KCNJ6: variants seen among roughly 807,000 people sequenced by gnomAD.
KCNJ6 encodes potassium inwardly rectifying channel subfamily J member 6.
A neutral mutation model predicts 34.2 loss-of-function variants in KCNJ6; 9 were observed. The observed-to-expected ratio is 0.26, with a 90% CI of 0.16 to 0.46. KCNJ6 has a LOEUF of 0.46. Among genes scored for constraint, KCNJ6 ranks in the 20% least tolerant of loss-of-function variants. KCNJ6 has a pLI of 1.00. For missense variants in KCNJ6, 236 were observed against 531.3 expected (o/e 0.44, Z 5.46); for synonymous variants, 196 against 207.1 (o/e 0.95, Z 0.46).
At chr21:37,778,717 G>A (rs1446658873) in intron 2 of KCNJ6, among the ~76,000 whole-genome samples, 1 of 151,550 alleles carries the variant, frequency 6.6e-6, no homozygotes, top group Non-Finnish European at 1.5e-5. Flanking sequence ...GTGTGTGTGT[G>A]TGTGTTTTAA....
At chr21:37,766,282 C>T (rs886585023) in intron 2 of KCNJ6, among the ~76,000 whole-genome samples, 2 of 152,196 alleles carry the variant, frequency 1.3e-5, no homozygotes, top group Admixed American at 6.5e-5. Context: ...CGAAAGGCTG[C>T]CACTCCCTAA....
chr21:37,793,006 CG>C (rs796977827), intron 2 of KCNJ6, among the ~76,000 whole-genome samples: 14 of 152,158 alleles, frequency 9.2e-5, no homozygotes, highest in African/African-American at 3.4e-4. Flanking sequence ...AAGGGTGCTC[CG>C]GGGGGACTCT....
At chr21:37,708,057 T>C (rs995537249) in intron 3 of KCNJ6, among the ~76,000 whole-genome samples, 1 of 152,192 alleles carries the variant, frequency 6.6e-6, no homozygotes, top group South Asian at 2.1e-4. Context: ...CACTCACTTC[T>C]ATTGAGCATC....
intron 3 of KCNJ6, among the ~76,000 whole-genome samples, chr21:37,627,867 C>T (rs926523742): frequency 1.4e-4 from 22 of 152,130 alleles, no homozygotes; most frequent in African/African-American, 5.3e-4. Context: ...TGCATAGAGA[C>T]CCTTGACAAA....
At chr21:37,914,407 T>G (rs2055883255) in intron 1 of KCNJ6, among the ~76,000 whole-genome samples, 1 of 152,016 alleles carries the variant, frequency 6.6e-6, no homozygotes, top group African/African-American at 2.4e-5. Context: ...AACCACCACC[T>G]CGGCGGCCCC....
intron 1 of KCNJ6, among the ~76,000 whole-genome samples, chr21:37,892,527 G>C (rs2055767117): frequency 6.6e-6 from 1 of 152,150 alleles, no homozygotes; most frequent in Admixed American, 6.5e-5. Flanking sequence ...GGGAAATTTG[G>C]GATACCTTTG....
chr21:37,809,377 G>A (rs1357862740), intron 2 of KCNJ6, among the ~76,000 whole-genome samples: 12 of 152,116 alleles, frequency 7.9e-5, no homozygotes, highest in African/African-American at 2.9e-4. Context: ...GCCTGTTGTG[G>A]GGTGGGGAGA....
chr21:37,779,673 C>T (rs545532821), intron 2 of KCNJ6, among the ~76,000 whole-genome samples: 7 of 152,280 alleles, frequency 4.6e-5, no homozygotes, highest in Non-Finnish European at 1.0e-4. Context: ...CTGTTTGAAG[C>T]AGGAATGAGT....
intron 3 of KCNJ6, among the ~76,000 whole-genome samples, chr21:37,639,154 C>T (rs2054370481): frequency 6.6e-6 from 1 of 152,222 alleles, no homozygotes; most frequent in African/African-American, 2.4e-5. Flanking sequence ...TAATAGAACA[C>T]TCACCAAGCA....
intron 2 of KCNJ6, among the ~76,000 whole-genome samples, chr21:37,718,945 C>T (rs533494657): frequency 1.1e-4 from 17 of 152,172 alleles, no homozygotes; most frequent in Middle Eastern, 3.4e-3. Context: ...CAGGTGAGGC[C>T]GTGGGTGCAG....
At chr21:37,726,041 G>A (rs888291491) in intron 2 of KCNJ6, among the ~76,000 whole-genome samples, 3 of 152,156 alleles carry the variant, frequency 2.0e-5, no homozygotes, top group Admixed American at 6.5e-5. Context: ...AAGTAGCTGG[G>A]ACTACAGGTG....
At chr21:37,670,710 A>C (rs2123407648) in intron 3 of KCNJ6, among the ~76,000 whole-genome samples, 1 of 152,338 alleles carries the variant, frequency 6.6e-6, no homozygotes, top group Non-Finnish European at 1.5e-5. Flanking sequence ...GGCTGCAGTC[A>C]CCCAAGATCG....
At chr21:37,884,577 A>T (rs1009902898) in intron 1 of KCNJ6, among the ~76,000 whole-genome samples, 1 of 152,124 alleles carries the variant, frequency 6.6e-6, no homozygotes, top group East Asian at 1.9e-4. Flanking sequence ...GTTACCATTT[A>T]CTCAGAAAAC....
intron 3 of KCNJ6, among the ~76,000 whole-genome samples, chr21:37,656,114 G>C (rs904772467): frequency 6.6e-6 from 1 of 152,156 alleles, no homozygotes; most frequent in African/African-American, 2.4e-5. Context: ...TGGACTCAGC[G>C]TGATGCTGCT....
At chr21:37,879,747 G>A (rs1448984496) in intron 1 of KCNJ6, among the ~76,000 whole-genome samples, 2 of 151,514 alleles carry the variant, frequency 1.3e-5, no homozygotes, top group Admixed American at 1.3e-4. Context: ...GTGTGTGTGT[G>A]TGTGTGTGTG....
chr21:37,666,689 G>A (rs1316354725), intron 3 of KCNJ6, among the ~76,000 whole-genome samples: 1 of 151,974 alleles, frequency 6.6e-6, no homozygotes, highest in Non-Finnish European at 1.5e-5. Context: ...CCATGATGAC[G>A]ATGGCAGTTT....
chr21:37,868,368 A>G (rs1342112061), intron 1 of KCNJ6, among the ~76,000 whole-genome samples: 1 of 152,244 alleles, frequency 6.6e-6, no homozygotes, highest in African/African-American at 2.4e-5. Context: ...GGAAAATATC[A>G]CAGAATTAAA....
At chr21:37,693,505 G>T (rs1212094850) in intron 3 of KCNJ6, among the ~76,000 whole-genome samples, 1 of 146,968 alleles carries the variant, frequency 6.8e-6, no homozygotes, top group Admixed American at 6.7e-5. Flanking sequence ...GAGAGAAGCA[G>T]GGGCCACCGT....
At chr21:37,693,088 T>C (rs2054647458) in intron 3 of KCNJ6, among the ~76,000 whole-genome samples, 1 of 152,150 alleles carries the variant, frequency 6.6e-6, no homozygotes, top group East Asian at 1.9e-4. Flanking sequence ...GAGGGAAACA[T>C]CCCTCTATTT....
Sources: allele counts gnomAD v4.1 joint callset (sites outside exome capture counted in the v4.1 genomes callset), GRCh38; gene constraint gnomAD v4.1.1; transcripts MANE v1.5; gene names NCBI Gene and HGNC (gene_info 2026-07-23, HGNC 2026-07-21).